FAM240C: variants seen among roughly 807,000 people sequenced by gnomAD.
The protein encoded by FAM240C is protein FAM240C.
In FAM240C, 14 loss-of-function variants were observed where a neutral mutation model predicts 10.0. That is an observed-to-expected ratio of 1.40 (90% CI 0.92 to 2.19). FAM240C has a LOEUF of 2.19. Ranked by LOEUF, FAM240C falls within the 30% of genes most tolerant of loss-of-function variation. The pLI is 0.00. For synonymous variants in FAM240C, 49 were observed against 44.3 expected, an observed-to-expected ratio of 1.11 and a Z score of -0.42; for missense variants, 154 against 122.3, an observed-to-expected ratio of 1.26 and a Z score of -1.22.
chr2:241,897,694 G>A (rs532838715), intron 1 of FAM240C, among the ~76,000 whole-genome samples: 3 of 152,234 alleles, frequency 2.0e-5, no homozygotes, highest in Non-Finnish European at 4.4e-5. Context: ...CCAGCGAGGT[G>A]AGCGTTTCTT....
chr2:241,894,279 C>G lies in FAM240C; in HGVS notation c.222G>C (p.Gly74=). 6.5e-7 allele frequency: 1 copy of G among 1,549,876 alleles called. No individual in the cohort carries two copies. Among genetic ancestry groups the G allele is most frequent in the Non-Finnish European group, 8.7e-7 (1 of 1,146,796 alleles). The change falls in exon 3 of 3, where the codon GGG becomes GGC. Residue 74 remains glycine, a synonymous_variant. Coordinates refer to ENST00000404031, the MANE Select transcript of FAM240C (RefSeq NM_001382368.1). ...EGRNKMLQGP[G]RCPDRVPEAT... is the part of the protein sequence containing the mutation. The stretch of plus-strand genomic sequence containing the variant: ...CCTCCGGGACCCTGTCTGGGCATCT[C>G]CCTGGGCCCTGCAGCATCTTGTTCC...
upstream of FAM240C, among the ~76,000 whole-genome samples, chr2:241,900,921 G>A (rs1701968397): frequency 6.6e-6 from 1 of 152,136 alleles, no homozygotes; most frequent in Non-Finnish European, 1.5e-5. The surrounding 1 kb of genome is among the most constrained non-coding windows in gnomAD (Gnocchi z 4.5). Context: ...GACAGGCGCT[G>A]AGAGGTCTCG....
chr2:241,897,090 G>C lies in FAM240C; in HGVS notation c.161+96C>G, dbSNP rs1575420547. On this transcript the variant is annotated intron_variant, in intron 2 of 2. Transcript: ENST00000404031. ...GTTTCATGGTGGGCTGAGGGCCAGGGCTGTGTCAGGGCACACTGCTGGCGG... is the reference window on the plus strand; with the variant it reads ...GTTTCATGGTGGGCTGAGGGCCAGGCCTGTGTCAGGGCACACTGCTGGCGG... 6 of 1,362,004 alleles carry C rather than the reference G, an allele frequency of 4.4e-6. No individual in the cohort carries two copies. The East Asian group carries it at 1.5e-4, about 34-fold the overall frequency. 84.4% of individuals were successfully genotyped at this position (1,362,004 alleles called of 1,614,324 possible).
rs775877329 is a variant in FAM240C at position 241,897,188 on chromosome 2, G to C, written c.159C>G (p.Asn53Lys). 6.5e-7 allele frequency: 1 copy of C among 1,549,716 alleles called. No homozygotes were observed. Among genetic ancestry groups the C allele is most frequent in the South Asian group, 1.2e-5 (1 of 84,070 alleles). ...EDIRVRRSAL[N>K]KLRVGWAEQL... The stretch of plus-strand genomic sequence containing the variant: ...ATGCACTGCACACCCCGACTCACTT[G>C]TTCAGAGCGCTTCTGCGAACCCTGA... Residue 53 changes from asparagine to lysine, a missense_variant and splice_region_variant, in exon 2 of 3, where the codon AAC (asparagine) becomes AAG (lysine). By Grantham distance (94) the Asn-to-Lys change is moderately conservative. Coordinates refer to ENST00000404031, the MANE Select transcript of FAM240C (RefSeq NM_001382368.1).
At chr2:241,898,964 G>A (rs1225777214) in intron 1 of FAM240C, among the ~76,000 whole-genome samples, 1 of 152,182 alleles carries the variant, frequency 6.6e-6, no homozygotes, top group Non-Finnish European at 1.5e-5. Flanking sequence ...TTGTTCTTCA[G>A]CTTGGCCTTG....
Position 241,898,948 on chromosome 2 carries a change from G to T in FAM240C, c.12+1410C>A, listed in dbSNP as rs545156543. On this transcript the variant is annotated intron_variant, in intron 1 of 2. Coordinates refer to ENST00000404031, the MANE Select transcript of FAM240C (RefSeq NM_001382368.1). The stretch of plus-strand genomic sequence containing the variant: ...CTGCAGCCCTGGCTGGCTCCCTTGG[G>T]GCACTTTGTTCTTCAGCTTGGCCTT... 3.3e-5 allele frequency among the ~76,000 whole-genome samples: 5 copies of T among 152,344 alleles called. No homozygotes were observed. In the South Asian group the frequency reaches 8.3e-4, roughly 25 times the overall value.
chr2:241,896,684 A>T (rs544762994), intron 2 of FAM240C, among the ~76,000 whole-genome samples: 243 of 2,762 alleles, frequency 0.088, 3 homozygotes, highest in African/African-American at 0.13. Flanking sequence ...GGTGTGGGTG[A>T]AGGGGTGTGG....
intron 2 of FAM240C, 88 bp from the exon 3 acceptor site, chr2:241,894,427 C>T (rs1400145082): frequency 2.7e-5 from 39 of 1,423,546 alleles, no homozygotes; most frequent in Non-Finnish European, 3.7e-5. Flanking sequence ...ACCTGGGCAC[C>T]TGTGAGAGCA....
rs1302770492 is a variant in FAM240C, at chr2:241,897,181, C to G, written c.161+5G>C. 6.5e-7 allele frequency: 1 copy of G among 1,549,368 alleles called. No homozygotes were observed. Among genetic ancestry groups the G allele is most frequent in the Non-Finnish European group, 8.7e-7 (1 of 1,146,334 alleles). On this transcript the variant is annotated splice_donor_5th_base_variant and intron_variant, in intron 2 of 2. Coordinates refer to ENST00000404031, the MANE Select transcript of FAM240C (RefSeq NM_001382368.1). ...GTCCCCGATGCACTGCACACCCCGA[C>G]TCACTTGTTCAGAGCGCTTCTGCGA...
At chr2:241,899,386 A>AT in intron 1 of FAM240C, 1 of 972,040 alleles carries the variant, frequency 1.0e-6, no homozygotes, top group Non-Finnish European at 1.2e-6. Flanking sequence ...TCATGAAGGG[A>AT]CTGAACTCAG....
At chr2:241,895,969 G>C (rs1048321204) in intron 2 of FAM240C, among the ~76,000 whole-genome samples, 20 of 152,126 alleles carry the variant, frequency 1.3e-4, no homozygotes, top group Admixed American at 1.0e-3. Context: ...GTGGTGGGGG[G>C]GGGCCTCTCC....
chr2:241,900,417 C>G lies in FAM240C; in HGVS notation c.-48G>C, dbSNP rs3934497. On this transcript the variant is annotated 5_prime_UTR_variant, in exon 1 of 3. Coordinates refer to ENST00000404031, the MANE Select transcript of FAM240C (RefSeq NM_001382368.1). The surrounding 1 kb of genome is among the most constrained non-coding windows in gnomAD (Gnocchi z 4.5). ...CCTGTCTCTGTTGAGGGTCCTCAGCCTGTCCTCTCCGGGGTGCACGCCTGT... is the reference window on the plus strand; with the variant it reads ...CCTGTCTCTGTTGAGGGTCCTCAGCGTGTCCTCTCCGGGGTGCACGCCTGT... 1 of 716,806 alleles carries G rather than the reference C, an allele frequency of 1.4e-6. No homozygotes were observed. The highest frequency in any genetic ancestry group is 1.5e-5 in the South Asian group (1 of 67,558). 44.4% of individuals were successfully genotyped at this position (716,806 alleles called of 1,614,324 possible).
intron 2 of FAM240C, among the ~76,000 whole-genome samples, chr2:241,895,058 G>T (rs28378809): frequency 0.06 from 9,103 of 152,274 alleles, 937 homozygotes; most frequent in African/African-American, 0.21. Flanking sequence ...GTGGGTGCCC[G>T]GCTCCAGCCA....
chr2:241,895,613 C>T (rs1701777002), intron 2 of FAM240C, among the ~76,000 whole-genome samples: 1 of 152,222 alleles, frequency 6.6e-6, no homozygotes, highest in African/African-American at 2.4e-5. Context: ...CTAAGAGTGA[C>T]CTCCTTAAAA....
chr2:241,897,374 G>T (rs1490824265), intron 1 of FAM240C, 40 bp from the exon 2 acceptor site: 9 of 1,540,652 alleles, frequency 5.8e-6, no homozygotes, highest in Non-Finnish European at 7.9e-6. Flanking sequence ...GTCACCTTAT[G>T]CCATTCCCAT....
chr2:241,901,656 C>T (rs1032571714), upstream of FAM240C, among the ~76,000 whole-genome samples: 2 of 152,172 alleles, frequency 1.3e-5, no homozygotes, highest in Admixed American at 6.5e-5. This position sits in a 1 kb window ranked among gnomAD's most constrained non-coding sequence, Gnocchi z 4.9. Flanking sequence ...GGTGGAAAGA[C>T]GGTGCTCAGG....
intron 1 of FAM240C, chr2:241,899,471 CACGG>C: frequency 7.1e-6 from 3 of 420,262 alleles, no homozygotes; most frequent in Non-Finnish European, 9.6e-6. Context: ...GGGTGGGATG[CACGG>C]AACCCACCAG....
rs1167008676 is a variant in FAM240C at position 241,895,966 on chromosome 2, G to GC, written c.161+1219_161+1220insG. Reference sequence around the variant, plus strand: ...CCGTGGGGCAAGCACTCGGTGGTGGGGGGGGGCCTCTCCTTCACCATCGTC... The same window carrying GC: ...CCGTGGGGCAAGCACTCGGTGGTGGGCGGGGGGCCTCTCCTTCACCATCGTC... On this transcript the variant is annotated intron_variant, in intron 2 of 2. Coordinates refer to ENST00000404031, the MANE Select transcript of FAM240C (RefSeq NM_001382368.1). Among the ~76,000 whole-genome samples the GC allele has an allele frequency of 4.0e-5, 6 of 151,576 alleles. No individual in the cohort carries two copies. In the Middle Eastern group the frequency reaches 0.01, roughly 261 times the overall value.
chr2:241,896,792 T>G (rs1394812709), intron 2 of FAM240C, among the ~76,000 whole-genome samples: 1 of 31,980 alleles, frequency 3.1e-5, no homozygotes, highest in Non-Finnish European at 5.5e-5. Context: ...GAAGGGGGTG[T>G]GGGTGTTGGG....
Sources: allele counts gnomAD v4.1 joint callset (sites outside exome capture counted in the v4.1 genomes callset), GRCh38; gene constraint gnomAD v4.1.1; non-coding constraint Gnocchi (gnomAD v3.1); transcripts MANE v1.5; gene names NCBI Gene and HGNC (gene_info 2026-07-23, HGNC 2026-07-21).